Variants in FAM162B observed in about 807,000 individuals in gnomAD.
FAM162B encodes the protein family with sequence similarity 162 member B, also known as protein FAM162B.
FAM162B carries 16 observed loss-of-function variants against 20.0 expected under a neutral mutation model. The ratio of observed to expected loss-of-function variants is 0.80; its 90% CI spans 0.54 to 1.21. The LOEUF (loss-of-function observed/expected upper bound fraction) is 1.21. FAM162B is among the 50% of genes most tolerant of loss of function. The pLI, the probability that FAM162B is intolerant of heterozygous loss-of-function variation, is 0.00. For synonymous variants in FAM162B, 83 were observed against 89.7 expected, an observed-to-expected ratio of 0.93 and a Z score of 0.42; for missense variants, 260 against 227.5, an observed-to-expected ratio of 1.14 and a Z score of -0.92.
intron 1 of FAM162B, 60 bp downstream of exon 1, chr6:116,765,345 C>T: frequency 2.0e-6 from 3 of 1,528,456 alleles, no homozygotes; most frequent in Non-Finnish European, 2.6e-6. Context: ...GGGCCGGCCC[C>T]TCGCTGCCCT....
rs10556522 is a variant in FAM162B at position 116,752,711 on chromosome 6, A to AATATATATATATATATATATATATATAT, written c.391-17_391-16insATATATATATATATATATATATATATAT. The AATATATATATATATATATATATATATAT allele has an allele frequency of 3.7e-4, 177 of 481,388 alleles. 2 individuals carry two copies. The African/African-American group carries it at 4.1e-3, about 11-fold the overall frequency. 29.8% of individuals were successfully genotyped at this position (481,388 alleles called of 1,614,324 possible). ...GTTCTACAGCCTGTGGGGGGGAAGA[A>AATATATATATATATATATATATATATAT]ATATATATATATATATATATATAGA... On this transcript the variant is annotated splice_polypyrimidine_tract_variant and intron_variant, in intron 3 of 3. Transcript: ENST00000368557.
chr6:116,754,741 T>G (rs985481059), intron 3 of FAM162B, among the ~76,000 whole-genome samples: 7 of 152,198 alleles, frequency 4.6e-5, no homozygotes, highest in Non-Finnish European at 8.8e-5. Context: ...CAACCTTGCA[T>G]GGAACAAGTC....
At chr6:116,757,822 T>C (rs1780070685) in intron 3 of FAM162B, among the ~76,000 whole-genome samples, 1 of 150,672 alleles carries the variant, frequency 6.6e-6, no homozygotes. Context: ...TCAATGAAGA[T>C]GAGTGTATCA....
chr6:116,765,268 C>T lies in FAM162B; in HGVS notation c.173-13G>A, dbSNP rs371550053. 20 of 1,612,440 alleles carry T rather than the reference C, an allele frequency of 1.2e-5. No individual in the cohort carries two copies. The highest frequency in any genetic ancestry group is 1.7e-5 in the Admixed American group (1 of 59,944). ...CGGTGAATCTCCCCTGCAGCGAAAG[C>T]AACCCAGATGGACGCGGGAACTGAC... On this transcript the variant is annotated splice_polypyrimidine_tract_variant and intron_variant, in intron 1 of 3. Transcript: ENST00000368557.
At chr6:116,755,137 T>C (rs1430944936) in intron 3 of FAM162B, among the ~76,000 whole-genome samples, 1 of 152,166 alleles carries the variant, frequency 6.6e-6, no homozygotes, top group Non-Finnish European at 1.5e-5. Context: ...CTAGAAATGA[T>C]TAAGCTTAGT....
At chr6:116,759,596 C>A (rs1467138711) in intron 3 of FAM162B, among the ~76,000 whole-genome samples, 1 of 152,002 alleles carries the variant, frequency 6.6e-6, no homozygotes, top group East Asian at 1.9e-4. Flanking sequence ...CGTGAGCCAC[C>A]GCGCCCGGCC....
rs771543004 is a variant in FAM162B, at chr6:116,752,561, G to A, written c.*36C>T. 5.1e-5 allele frequency: 58 copies of A among 1,146,846 alleles called. No homozygotes were observed. The highest frequency in any genetic ancestry group is 6.7e-5 in the Non-Finnish European group (54 of 807,200). The allele number at this position is 1,146,846 out of a possible 1,614,324, so 71.0% of individuals were successfully genotyped here. A position where few individuals can be genotyped will look rare whatever the true frequency, so the allele number is the denominator to read the frequency against. On this transcript the variant is annotated 3_prime_UTR_variant, in exon 4 of 4. Transcript: ENST00000368557. Reference sequence around the variant, plus strand: ...ATCTTCTACTGTTGCTGATGACAGGGATGGTATTCAGGTGAACACTTTGTC... The same window carrying A: ...ATCTTCTACTGTTGCTGATGACAGGAATGGTATTCAGGTGAACACTTTGTC...
At chr6:116,765,037 T>G in intron 2 of FAM162B, 110 bp downstream of exon 2, 1 of 936,096 alleles carries the variant, frequency 1.1e-6, no homozygotes, top group South Asian at 1.3e-5. Flanking sequence ...TGCGAAGTGT[T>G]GGCACTGCGG....
At chr6:116,763,981 G>A (rs545484354) in intron 2 of FAM162B, among the ~76,000 whole-genome samples, 13 of 151,972 alleles carry the variant, frequency 8.6e-5, no homozygotes, top group Non-Finnish European at 8.8e-5. Context: ...TACTGAAAAC[G>A]GATTCAAATG....
intron 2 of FAM162B, 118 bp downstream of exon 2, chr6:116,765,029 C>T: frequency 2.4e-6 from 2 of 849,534 alleles, no homozygotes; most frequent in East Asian, 2.5e-5. Context: ...GGTGATATTG[C>T]GAAGTGTTGG....
intron 3 of FAM162B, among the ~76,000 whole-genome samples, chr6:116,759,739 T>C (rs1780115585): frequency 6.6e-6 from 1 of 152,184 alleles, no homozygotes; most frequent in Non-Finnish European, 1.5e-5. Context: ...CAGTGATCCA[T>C]AGGCCTGACA....
chr6:116,752,785 ACTCT>A, intron 3 of FAM162B, 90 bp from the exon 4 acceptor site: 1 of 355,096 alleles, frequency 2.8e-6, no homozygotes. Flanking sequence ...TCTCACTGTG[ACTCT>A]CTGGAAACTG....
chr6:116,756,646 A>C (rs1184657567), intron 3 of FAM162B, among the ~76,000 whole-genome samples: 1 of 152,210 alleles, frequency 6.6e-6, no homozygotes, highest in Non-Finnish European at 1.5e-5. Flanking sequence ...TTCATGAAAG[A>C]AAGAGTCAAC....
chr6:116,765,089 C>T, intron 2 of FAM162B, 58 bp downstream of exon 2: 2 of 1,566,458 alleles, frequency 1.3e-6, no homozygotes, highest in Non-Finnish European at 1.7e-6. Flanking sequence ...AGGTGGGTCA[C>T]CCCGCACCCT....
At chr6:116,759,603 G>A (rs1052974543) in intron 3 of FAM162B, among the ~76,000 whole-genome samples, 2 of 151,924 alleles carry the variant, frequency 1.3e-5, no homozygotes, top group Admixed American at 6.6e-5. Context: ...CACCGCGCCC[G>A]GCCTGATCTT....
Position 116,765,231 on chromosome 6 carries a change from T to G in FAM162B, c.197A>C (p.Gln66Pro). 1.2e-6 allele frequency: 2 copies of G among 1,613,804 alleles called. No individual in the cohort carries two copies. The highest frequency in any genetic ancestry group is 1.7e-6 in the Non-Finnish European group (2 of 1,179,930). ...GHGEIHRVPTQRRPSQFDKKI... is the reference protein window; with the variant it reads ...GHGEIHRVPTPRRPSQFDKKI... ...CTTGTCGAACTGCGAAGGCCTGCGC[T>G]GCGTGGGGACTCGGTGAATCTCCCC... Residue 66 changes from glutamine (Q) to proline (P), a missense_variant, in exon 2 of 4, where the codon CAG (glutamine) becomes CCG (proline). By Grantham distance (76) the Gln-to-Pro change is moderately conservative. Coordinates refer to ENST00000368557, the MANE Select transcript of FAM162B (RefSeq NM_001085480.3).
chr6:116,765,259 C>A lies in FAM162B; in HGVS notation c.173-4G>T, dbSNP rs769046638. On this transcript the variant is annotated splice_polypyrimidine_tract_variant and splice_region_variant and intron_variant, in intron 1 of 3. Transcript: ENST00000368557. ...GTGGGGACTCGGTGAATCTCCCCTG[C>A]AGCGAAAGCAACCCAGATGGACGCG... is the stretch of plus-strand genomic sequence containing the variant. The A allele has an allele frequency of 1.9e-6, 3 of 1,613,136 alleles. No homozygotes were observed. Among genetic ancestry groups the A allele is most frequent in the South Asian group, 1.1e-5 (1 of 91,072 alleles).
intron 2 of FAM162B, among the ~76,000 whole-genome samples, chr6:116,764,507 A>G (rs1317967855): frequency 1.3e-5 from 2 of 152,002 alleles, no homozygotes; most frequent in Non-Finnish European, 2.9e-5. Flanking sequence ...AGGGGGAGTT[A>G]TTAGTTTGAG....
At chr6:116,758,436 T>C (rs928694134) in intron 3 of FAM162B, among the ~76,000 whole-genome samples, 1 of 152,230 alleles carries the variant, frequency 6.6e-6, no homozygotes, top group Non-Finnish European at 1.5e-5. Flanking sequence ...AGGTTGTTGC[T>C]GTTTTATTTA....
Sources: allele counts gnomAD v4.1 joint callset (sites outside exome capture counted in the v4.1 genomes callset), GRCh38; gene constraint gnomAD v4.1.1; transcripts MANE v1.5; gene names NCBI Gene and HGNC (gene_info 2026-07-23, HGNC 2026-07-21).